The following FYN variants were observed in gnomAD, a reference collection of about 807,000 sequenced individuals.
FYN encodes FYN proto-oncogene, Src family tyrosine kinase, also known as tyrosine-protein kinase Fyn.
In FYN, 10 loss-of-function variants were observed where a neutral mutation model predicts 70.2. The ratio of observed to expected loss-of-function variants is 0.14; its 90% CI spans 0.09 to 0.24. The LOEUF is 0.24. Ranked by LOEUF, FYN falls within the 10% of genes least tolerant of loss-of-function variation. The probability of loss-of-function intolerance (pLI) is 1.00; values close to 1 mark genes in which losing one functional copy is unlikely to be tolerated. For synonymous variants in FYN, 236 were observed against 248.6 expected (o/e 0.95, Z 0.48); for missense variants, 319 against 673.1 (o/e 0.47, Z 5.82).
chr6:111,840,961 G>A (rs1773340927), intron 2 of FYN, among the ~76,000 whole-genome samples: 1 of 152,182 alleles, frequency 6.6e-6, no homozygotes, highest in Non-Finnish European at 1.5e-5. Flanking sequence ...AAAAACAAAT[G>A]GTACAAAGTA....
chr6:111,701,904 CA>C (rs1799857346), intron 8 of FYN, among the ~76,000 whole-genome samples: 1 of 152,226 alleles, frequency 6.6e-6, no homozygotes, highest in South Asian at 2.1e-4. Flanking sequence ...AAGGGATCAA[CA>C]GACATTTCTT....
intron 3 of FYN, among the ~76,000 whole-genome samples, chr6:111,723,420 T>C (rs1031818175): frequency 6.6e-6 from 1 of 152,346 alleles, no homozygotes; most frequent in East Asian, 1.9e-4. Flanking sequence ...TCCTCTTTTA[T>C]AGAAGAGACA....
intron 9 of FYN, chr6:111,699,735 G>T (rs190900955): frequency 1.1e-4 from 166 of 1,467,162 alleles, no homozygotes; most frequent in Non-Finnish European, 1.5e-4. Context: ...CATGCACTAG[G>T]AAAGATGGAA....
intron 3 of FYN, among the ~76,000 whole-genome samples, chr6:111,762,460 C>A (rs1803046918): frequency 6.6e-6 from 1 of 152,012 alleles, no homozygotes; most frequent in African/African-American, 2.4e-5. Context: ...CTTGTTATAC[C>A]CTCCTCCCTT....
At chr6:111,735,181 T>C (rs1322986459) in intron 3 of FYN, among the ~76,000 whole-genome samples, 3 of 152,228 alleles carry the variant, frequency 2.0e-5, no homozygotes, top group African/African-American at 7.2e-5. Context: ...GCCATATTTA[T>C]GGAGCATTCA....
intron 3 of FYN, among the ~76,000 whole-genome samples, chr6:111,769,798 G>A (rs150058179): frequency 6.6e-6 from 1 of 152,254 alleles, no homozygotes; most frequent in East Asian, 1.9e-4. Context: ...AGAAAATTAT[G>A]GAAACTCTGC....
At chr6:111,716,343 T>C (rs1313537590) in intron 4 of FYN, among the ~76,000 whole-genome samples, 1 of 152,238 alleles carries the variant, frequency 6.6e-6, no homozygotes, top group Non-Finnish European at 1.5e-5. Flanking sequence ...CTCTGAGAAG[T>C]GTAGATTCTA....
chr6:111,808,455 A>T (rs1355876948), intron 2 of FYN, among the ~76,000 whole-genome samples: 1 of 152,200 alleles, frequency 6.6e-6, no homozygotes, highest in Non-Finnish European at 1.5e-5. Context: ...TGACAGGGAT[A>T]GTGACCCCAT....
chr6:111,862,633 A>G (rs1485044835), intron 1 of FYN, among the ~76,000 whole-genome samples: 1 of 152,192 alleles, frequency 6.6e-6, no homozygotes, highest in African/African-American at 2.4e-5. Flanking sequence ...GGGGCCAAGT[A>G]TGTCTAGGAG....
chr6:111,756,698 G>A (rs1056356413), intron 3 of FYN, among the ~76,000 whole-genome samples: 15 of 152,236 alleles, frequency 9.9e-5, no homozygotes, highest in South Asian at 4.1e-4. Flanking sequence ...TGTACTATCC[G>A]ATTAAAAGAG....
chr6:111,703,099 C>T (rs1286393299), intron 7 of FYN, 65 bp from the exon 8 acceptor site: 8 of 1,487,686 alleles, frequency 5.4e-6, no homozygotes, highest in Non-Finnish European at 7.4e-6. Context: ...TTTTAGGCCT[C>T]ATTTTCTTGA....
chr6:111,713,409 G>A (rs1800478236), intron 5 of FYN, among the ~76,000 whole-genome samples: 1 of 152,156 alleles, frequency 6.6e-6, no homozygotes, highest in Non-Finnish European at 1.5e-5. Flanking sequence ...GAGAGCAGAG[G>A]AGAAGCAACC....
intron 5 of FYN, 200 bp from the exon 6 acceptor site, chr6:111,708,220 C>T (rs1413020053): frequency 2.0e-6 from 1 of 512,090 alleles, no homozygotes; most frequent in Non-Finnish European, 3.5e-6. Flanking sequence ...TGAGATGAAC[C>T]CACAGTTGTC....
At chr6:111,872,693 A>G (rs1774318276) in intron 1 of FYN, among the ~76,000 whole-genome samples, 1 of 151,758 alleles carries the variant, frequency 6.6e-6, no homozygotes, top group Non-Finnish European at 1.5e-5. Flanking sequence ...CCCCAAGCCA[A>G]TTCCCATTTT....
At chr6:111,699,965 A>G (rs1799759070) in intron 9 of FYN, 139 bp downstream of exon 9, 1 of 707,214 alleles carries the variant, frequency 1.4e-6, no homozygotes, top group Non-Finnish European at 2.1e-6. Flanking sequence ...TAAAACCAAA[A>G]CTGAAATTAT....
intron 13 of FYN, among the ~76,000 whole-genome samples, chr6:111,672,957 G>A (rs1461402993): frequency 6.6e-6 from 1 of 152,098 alleles, no homozygotes; most frequent in Non-Finnish European, 1.5e-5. Flanking sequence ...GTTTCTGTGT[G>A]AGACCCTGAG....
chr6:111,797,577 G>C (rs62413696), intron 2 of FYN, among the ~76,000 whole-genome samples: 7,198 of 148,424 alleles, frequency 0.048, 369 homozygotes, highest in African/African-American at 0.13. Flanking sequence ...TCACACAATG[G>C]AAAACTTCAG....
At chr6:111,773,560 G>GGAA (rs1803565740) in intron 3 of FYN, among the ~76,000 whole-genome samples, 1 of 26,358 alleles carries the variant, frequency 3.8e-5, no homozygotes, top group Non-Finnish European at 6.6e-5. Flanking sequence ...AGACGCAGAG[G>GGAA]AGGGAGAGGG....
intron 3 of FYN, among the ~76,000 whole-genome samples, chr6:111,735,702 A>G (rs6901958): frequency 0.81 from 122,845 of 152,134 alleles, 50,153 homozygotes; most frequent in East Asian, 0.93. Flanking sequence ...ACTGCATGCA[A>G]GTGGCTGGAC....
Sources: gnomAD v4.1 joint callset for allele counts (sites outside exome capture counted in the v4.1 genomes callset) on GRCh38, gnomAD v4.1.1 for gene constraint, MANE v1.5 for transcripts, NCBI Gene and HGNC (gene_info 2026-07-23, HGNC 2026-07-21) for gene names.